RBFOX1: variants seen among roughly 807,000 people sequenced by gnomAD.
RBFOX1 encodes RNA binding fox-1 homolog 1.
Under a neutral mutation model 57.7 loss-of-function variants are expected in RBFOX1, and 8 were observed. The ratio of observed to expected loss-of-function variants is 0.14; its 90% CI spans 0.08 to 0.25. The LOEUF (loss-of-function observed/expected upper bound fraction) is 0.25, where lower values mean the gene tolerates loss of function less well. RBFOX1 is among the 10% of genes least tolerant of loss of function. The probability of loss-of-function intolerance (pLI) is 1.00; values close to 1 mark genes in which losing one functional copy is unlikely to be tolerated. For missense variants in RBFOX1, 611 were observed against 548.5 expected, an observed-to-expected ratio of 1.11 and a Z score of -1.14; for synonymous variants, 326 against 222.4, an observed-to-expected ratio of 1.47 and a Z score of -4.15.
chr16:5,618,014 C>T (rs1014516404), intron 3 of RBFOX1, among the ~76,000 whole-genome samples: 1 of 152,154 alleles, frequency 6.6e-6, no homozygotes, highest in Non-Finnish European at 1.5e-5. Context: ...TGAGGTATAA[C>T]TTACATAACA....
intron 4 of RBFOX1, among the ~76,000 whole-genome samples, chr16:7,315,076 C>T (rs2096405945): frequency 7.6e-6 from 1 of 131,272 alleles, no homozygotes; most frequent in Non-Finnish European, 1.6e-5. Flanking sequence ...TTCAAGATAC[C>T]AGCAGAGAAA....
intron 12 of RBFOX1, 51 bp from the exon 13 acceptor site, chr16:7,664,878 A>G (rs1342132247): frequency 1.2e-6 from 2 of 1,613,720 alleles, no homozygotes; most frequent in Admixed American, 3.3e-5. Flanking sequence ...GTGTGTCTGC[A>G]TGGGAAATGC....
At chr16:5,962,009 C>T (rs1220654941) in intron 4 of RBFOX1, among the ~76,000 whole-genome samples, 1 of 152,164 alleles carries the variant, frequency 6.6e-6, no homozygotes, top group African/African-American at 2.4e-5. Flanking sequence ...CATCTCTCTC[C>T]TTCCAAATCC....
intron 4 of RBFOX1, among the ~76,000 whole-genome samples, chr16:5,943,746 T>G (rs78949524): frequency 0.043 from 6,592 of 152,272 alleles, 236 homozygotes; most frequent in Non-Finnish European, 0.064. Flanking sequence ...CTACAAGTAG[T>G]GCCTGAACAA....
chr16:6,551,134 T>G (rs1206849682), intron 2 of RBFOX1, among the ~76,000 whole-genome samples: 2 of 152,166 alleles, frequency 1.3e-5, no homozygotes, highest in African/African-American at 2.4e-5. Flanking sequence ...TCTCTGAGAT[T>G]AACACAAAGC....
At chr16:7,700,044 G>T (rs1354027343) in intron 14 of RBFOX1, among the ~76,000 whole-genome samples, 1 of 152,010 alleles carries the variant, frequency 6.6e-6, no homozygotes, top group African/African-American at 2.4e-5. Context: ...GGGGTTCAGG[G>T]CCCAGAACCT....
chr16:6,895,438 GTGTGTGTGTGTA>G lies in RBFOX1; in HGVS notation c.-15-156617_-15-156606del, dbSNP rs1262586181. Among the ~76,000 whole-genome samples, 7 of 88,098 alleles carry G rather than the reference GTGTGTGTGTGTA, an allele frequency of 7.9e-5. No homozygotes were observed. The Admixed American group carries it at 8.2e-4, about 10-fold the overall frequency. 57.8% of individuals were successfully genotyped at this position (88,098 alleles called of 152,430 possible). On this transcript the variant is annotated intron_variant, in intron 3 of 15. Coordinates refer to ENST00000550418, the MANE Select transcript of RBFOX1 (RefSeq NM_018723.4). Reference sequence around the variant, plus strand: ...AATATATGTGTGTGTGTGTGTGTGTGTGTGTGTGTGTATATATATATATATATATATATATAT... The same window carrying G: ...AATATATGTGTGTGTGTGTGTGTGTGTATATATATATATATATATATATAT...
At chr16:5,639,341 A>G (rs989668896) in intron 3 of RBFOX1, among the ~76,000 whole-genome samples, 1 of 152,218 alleles carries the variant, frequency 6.6e-6, no homozygotes, top group Non-Finnish European at 1.5e-5. Context: ...GCCCTTGGCA[A>G]CATCTCATCC....
Position 5,765,412 on chromosome 16 carries a change from T to C in RBFOX1, c.319-101891T>C, listed in dbSNP as rs182591002. 2.0e-5 allele frequency among the ~76,000 whole-genome samples: 3 copies of C among 152,346 alleles called. No individual in the cohort carries two copies. In the East Asian group the frequency reaches 5.8e-4, roughly 29 times the overall value. On this transcript the variant is annotated intron_variant, in intron 3 of 19. Transcript: ENST00000641259. ...GGGGAAAAAATCCCATTAAAAACTC[T>C]TACCAGCAAATGATAATTAATTCAA...
At chr16:6,175,437 C>A in intron 1 of RBFOX1, among the ~76,000 whole-genome samples, 1 of 151,914 alleles carries the variant, frequency 6.6e-6, no homozygotes, top group East Asian at 1.9e-4. Flanking sequence ...AGTAGAGACA[C>A]TAATTTTGGC....
At chr16:7,337,213 C>T (rs1316526991) in intron 4 of RBFOX1, among the ~76,000 whole-genome samples, 3 of 152,086 alleles carry the variant, frequency 2.0e-5, no homozygotes, top group Non-Finnish European at 4.4e-5. Flanking sequence ...TTTGTTGAAC[C>T]AGGGTCTTTT....
At chr16:6,442,407 A>G (rs1373397363) in intron 2 of RBFOX1, among the ~76,000 whole-genome samples, 2 of 152,106 alleles carry the variant, frequency 1.3e-5, no homozygotes, top group Non-Finnish European at 2.9e-5. Context: ...AAATACAAAA[A>G]TTAGCTGGGC....
chr16:7,590,562 T>C (rs564120367), intron 7 of RBFOX1, among the ~76,000 whole-genome samples: 1 of 152,162 alleles, frequency 6.6e-6, no homozygotes, highest in East Asian at 1.9e-4. Flanking sequence ...TCCCTACGTA[T>C]ATACTTAAGA....
At chr16:6,939,878 A>G (rs1322485688) in intron 3 of RBFOX1, among the ~76,000 whole-genome samples, 1 of 152,210 alleles carries the variant, frequency 6.6e-6, no homozygotes, top group Non-Finnish European at 1.5e-5. Flanking sequence ...TTTGTAATTT[A>G]CTGCATATTA....
chr16:5,609,336 C>G (rs911120318), intron 3 of RBFOX1, among the ~76,000 whole-genome samples: 3 of 152,206 alleles, frequency 2.0e-5, no homozygotes, highest in African/African-American at 7.2e-5. Context: ...CCATTACCAG[C>G]AAAACCCATC....
At chr16:7,176,656 G>C (rs1001964950) in intron 4 of RBFOX1, among the ~76,000 whole-genome samples, 2 of 152,072 alleles carry the variant, frequency 1.3e-5, no homozygotes, top group African/African-American at 4.8e-5. Context: ...TTTAATGTTT[G>C]CCCCTTTACT....
At chr16:5,617,126 C>G (rs2048052589) in intron 3 of RBFOX1, among the ~76,000 whole-genome samples, 1 of 151,916 alleles carries the variant, frequency 6.6e-6, no homozygotes, top group Non-Finnish European at 1.5e-5. Context: ...TCCGTCCCTC[C>G]CTCCCTCATT....
chr16:6,508,073 T>A (rs1454304941), intron 2 of RBFOX1, among the ~76,000 whole-genome samples: 1 of 152,176 alleles, frequency 6.6e-6, no homozygotes, highest in African/African-American at 2.4e-5. Flanking sequence ...GGGACATGAA[T>A]GGAGCTGGAG....
At chr16:6,361,723 C>T (rs1054248578) in intron 2 of RBFOX1, among the ~76,000 whole-genome samples, 2 of 151,984 alleles carry the variant, frequency 1.3e-5, no homozygotes, top group Non-Finnish European at 1.5e-5. Context: ...TATCTTTATA[C>T]CAATTGAATC....
Sources: gnomAD v4.1 joint callset for allele counts (sites outside exome capture counted in the v4.1 genomes callset) on GRCh38, gnomAD v4.1.1 for gene constraint, MANE v1.5 for transcripts, NCBI Gene and HGNC (gene_info 2026-07-23, HGNC 2026-07-21) for gene names.